The following KCNB2 variants were observed in gnomAD, a reference collection of about 807,000 sequenced individuals.
KCNB2 encodes delayed rectifier potassium channel protein.
In KCNB2, 15 loss-of-function variants were observed where a neutral mutation model predicts 61.5. The observed-to-expected ratio is 0.24, with a 90% CI of 0.16 to 0.38. The LOEUF (loss-of-function observed/expected upper bound fraction) is 0.38. Among genes scored for constraint, KCNB2 ranks in the 10% least tolerant of loss-of-function variants. The pLI, the probability that KCNB2 is intolerant of heterozygous loss-of-function variation, is 1.00. For synonymous variants in KCNB2, 457 were observed against 446.0 expected (o/e 1.02, Z -0.31); for missense variants, 828 against 1,125.2 (o/e 0.74, Z 3.78).
chr8:72,725,601 A>ATATCTATGTGTG (rs796779126), intron 2 of KCNB2, among the ~76,000 whole-genome samples: 4 of 100,250 alleles, frequency 4.0e-5, no homozygotes, highest in Non-Finnish European at 6.2e-5. Flanking sequence ...GTATATATAT[A>ATATCTATGTGTG]TATATATATA....
intron 2 of KCNB2, among the ~76,000 whole-genome samples, chr8:72,884,539 C>A (rs1805770951): frequency 6.6e-6 from 1 of 152,150 alleles, no homozygotes; most frequent in South Asian, 2.1e-4. Flanking sequence ...ACTTTGAGGT[C>A]ATAAATATAT....
At chr8:72,874,547 C>A (rs2129004989) in intron 2 of KCNB2, among the ~76,000 whole-genome samples, 1 of 152,356 alleles carries the variant, frequency 6.6e-6, no homozygotes, top group Non-Finnish European at 1.5e-5. Context: ...CGGTAACTAA[C>A]CAGCCAAAGC....
At chr8:72,638,996 C>G (rs1435174180) in intron 2 of KCNB2, among the ~76,000 whole-genome samples, 4 of 152,184 alleles carry the variant, frequency 2.6e-5, no homozygotes, top group African/African-American at 9.6e-5. Flanking sequence ...TCATTATTGG[C>G]TTCCAGGCAC....
chr8:72,691,240 C>T (rs551406780), intron 2 of KCNB2, among the ~76,000 whole-genome samples: 1 of 152,312 alleles, frequency 6.6e-6, no homozygotes, highest in Admixed American at 6.5e-5. Context: ...CAGACTTTCT[C>T]ACAGCATAAA....
At chr8:72,909,603 G>A (rs867399308) in intron 2 of KCNB2, among the ~76,000 whole-genome samples, 18 of 152,242 alleles carry the variant, frequency 1.2e-4, no homozygotes, top group African/African-American at 4.1e-4. Flanking sequence ...GGATGTACTC[G>A]AGGAGCAAGA....
At chr8:72,804,742 A>G (rs17186310) in intron 2 of KCNB2, among the ~76,000 whole-genome samples, 20,931 of 152,220 alleles carry the variant, frequency 0.14, 1,801 homozygotes, top group South Asian at 0.3. Context: ...AGCAAACACT[A>G]TTGGAACACC....
chr8:72,829,907 C>A (rs1375013870), intron 2 of KCNB2, among the ~76,000 whole-genome samples: 1 of 150,588 alleles, frequency 6.6e-6, no homozygotes, highest in Non-Finnish European at 1.5e-5. Flanking sequence ...AAAATTGTAT[C>A]CGAAATTATT....
At chr8:72,922,542 A>G (rs13251382) in intron 2 of KCNB2, among the ~76,000 whole-genome samples, 72,860 of 152,058 alleles carry the variant, frequency 0.48, 18,566 homozygotes, top group Middle Eastern at 0.6. Context: ...TTTTGCTTCA[A>G]AGATGGAGCA....
chr8:72,681,884 G>A (rs1006124256), intron 2 of KCNB2, among the ~76,000 whole-genome samples: 2 of 152,138 alleles, frequency 1.3e-5, no homozygotes, highest in Non-Finnish European at 2.9e-5. Flanking sequence ...AAGGACTGAA[G>A]CTCTGTTATG....
intron 2 of KCNB2, among the ~76,000 whole-genome samples, chr8:72,720,610 T>A (rs1807532869): frequency 6.6e-6 from 1 of 152,188 alleles, no homozygotes; most frequent in Non-Finnish European, 1.5e-5. Flanking sequence ...TACACTTAGT[T>A]GTCTGCACTC....
intron 2 of KCNB2, among the ~76,000 whole-genome samples, chr8:72,858,433 T>C (rs1585936329): frequency 1.3e-5 from 2 of 152,196 alleles, no homozygotes; most frequent in Non-Finnish European, 2.9e-5. Flanking sequence ...AAAAAAGATA[T>C]ATGTATGCTT....
intron 2 of KCNB2, among the ~76,000 whole-genome samples, chr8:72,736,675 A>G (rs1807851419): frequency 2.0e-5 from 3 of 152,172 alleles, no homozygotes; most frequent in South Asian, 4.1e-4. Flanking sequence ...ATCTAACAAG[A>G]TACAAGGATA....
intron 2 of KCNB2, among the ~76,000 whole-genome samples, chr8:72,660,047 A>G (rs1430701123): frequency 6.6e-6 from 1 of 152,220 alleles, no homozygotes; most frequent in Non-Finnish European, 1.5e-5. Flanking sequence ...ATAAAACATT[A>G]TACTGAGAAT....
Position 72,796,117 on chromosome 8 carries a change from T to C in KCNB2, c.580-139818T>C, listed in dbSNP as rs971751757. Among the ~76,000 whole-genome samples the C allele has an allele frequency of 9.2e-5, 14 of 152,336 alleles. No individual in the cohort carries two copies. In the East Asian group the frequency reaches 1.3e-3, roughly 15 times the overall value. ...AGGCTCCATCTGGCATGCCTTACAT[T>C]AGGCAGCCACATTTATGACCCATGA... On this transcript the variant is annotated intron_variant, in intron 2 of 2. Coordinates refer to ENST00000523207, the MANE Select transcript of KCNB2 (RefSeq NM_004770.3).
intron 2 of KCNB2, among the ~76,000 whole-genome samples, chr8:72,727,376 A>C (rs1807669801): frequency 6.6e-6 from 1 of 152,204 alleles, no homozygotes; most frequent in South Asian, 2.1e-4. Context: ...TAGTAAGCTC[A>C]TTAACCAAGA....
chr8:72,740,137 T>C (rs1807925038), intron 2 of KCNB2, among the ~76,000 whole-genome samples: 1 of 152,230 alleles, frequency 6.6e-6, no homozygotes, highest in Non-Finnish European at 1.5e-5. Context: ...GATATTGATA[T>C]TCTTTGAGCC....
intron 2 of KCNB2, among the ~76,000 whole-genome samples, chr8:72,616,899 A>G (rs1189050609): frequency 6.6e-6 from 1 of 152,156 alleles, no homozygotes; most frequent in Admixed American, 6.5e-5. Flanking sequence ...CTGAAATCTG[A>G]TGGAGGAAGA....
chr8:72,799,384 A>G (rs533111276), intron 2 of KCNB2, among the ~76,000 whole-genome samples: 35 of 143,272 alleles, frequency 2.4e-4, no homozygotes, highest in African/African-American at 7.5e-4. Flanking sequence ...TTTAAATAAA[A>G]TGCACTGTTC....
At chr8:72,705,225 T>C (rs570088466) in intron 2 of KCNB2, among the ~76,000 whole-genome samples, 3 of 152,318 alleles carry the variant, frequency 2.0e-5, no homozygotes, top group Admixed American at 6.5e-5. Flanking sequence ...TATTTACCAG[T>C]AGGGTGATTT....
Sources: gnomAD v4.1 joint callset for allele counts (sites outside exome capture counted in the v4.1 genomes callset) on GRCh38, gnomAD v4.1.1 for gene constraint, MANE v1.5 for transcripts, NCBI Gene and HGNC (gene_info 2026-07-23, HGNC 2026-07-21) for gene names.